The following EPHA3 variants were observed in gnomAD, a reference collection of about 807,000 sequenced individuals.
The protein encoded by EPHA3 is EPH receptor A3.
EPHA3 carries 42 observed loss-of-function variants against 107.1 expected under a neutral mutation model. The observed-to-expected ratio is 0.39, with a 90% CI of 0.31 to 0.51. The LOEUF is 0.51. Among genes scored for constraint, EPHA3 ranks in the 20% least tolerant of loss-of-function variants. EPHA3 has a pLI of 0.78. For synonymous variants in EPHA3, 461 were observed against 424.8 expected (o/e 1.09, Z -1.05); for missense variants, 1,183 against 1,211.2 (o/e 0.98, Z 0.35).
intron 1 of EPHA3, among the ~76,000 whole-genome samples, chr3:89,116,148 A>G (rs1187466100): frequency 6.6e-6 from 1 of 152,184 alleles, no homozygotes; most frequent in East Asian, 1.9e-4. Context: ...TTTTCTTCAC[A>G]CGTTCTTACC....
chr3:89,475,633 T>A (rs982454266), intron 16 of EPHA3, among the ~76,000 whole-genome samples: 1 of 152,142 alleles, frequency 6.6e-6, no homozygotes, highest in African/African-American at 2.4e-5. Context: ...AAGGGAAAGG[T>A]TAGAGTGGCT....
intron 3 of EPHA3, among the ~76,000 whole-genome samples, chr3:89,306,279 A>G (rs1365305904): frequency 2.6e-5 from 4 of 152,166 alleles, no homozygotes; most frequent in East Asian, 1.9e-4. Context: ...TTCTAACTGA[A>G]GTGTCTGGCT....
intron 11 of EPHA3, among the ~76,000 whole-genome samples, chr3:89,425,657 C>A (rs1307671571): frequency 6.6e-6 from 1 of 151,192 alleles, no homozygotes; most frequent in Non-Finnish European, 1.5e-5. Context: ...ATATTTTAAT[C>A]TGAAAAACAA....
chr3:89,165,335 C>A (rs1705038370), intron 2 of EPHA3, among the ~76,000 whole-genome samples: 1 of 152,168 alleles, frequency 6.6e-6, no homozygotes, highest in African/African-American at 2.4e-5. Flanking sequence ...AGTATGTAAT[C>A]CACCCAACAT....
intron 13 of EPHA3, among the ~76,000 whole-genome samples, chr3:89,444,472 C>T (rs1225829848): frequency 6.6e-6 from 1 of 151,678 alleles, no homozygotes; most frequent in African/African-American, 2.4e-5. Context: ...ATTTGCTTGC[C>T]ATAGAATAAG....
At chr3:89,360,269 A>C (rs1219709759) in intron 5 of EPHA3, among the ~76,000 whole-genome samples, 1 of 150,908 alleles carries the variant, frequency 6.6e-6, no homozygotes, top group African/African-American at 2.4e-5. Context: ...CTATAAATAG[A>C]AAACTAATGT....
chr3:89,333,404 A>C (rs1707331549), intron 3 of EPHA3, among the ~76,000 whole-genome samples: 1 of 152,190 alleles, frequency 6.6e-6, no homozygotes, highest in Non-Finnish European at 1.5e-5. Flanking sequence ...AGTATTTCTT[A>C]ATAGAAAATT....
intron 3 of EPHA3, among the ~76,000 whole-genome samples, chr3:89,301,241 G>T (rs1706481117): frequency 6.6e-6 from 1 of 151,948 alleles, no homozygotes. Context: ...AAAATATTTT[G>T]AGTGTAGCAA....
At chr3:89,270,659 G>T (rs1321803024) in intron 3 of EPHA3, among the ~76,000 whole-genome samples, 7 of 151,978 alleles carry the variant, frequency 4.6e-5, no homozygotes, top group Non-Finnish European at 8.8e-5. Context: ...CCCCAGAGTT[G>T]TAACTTTTTG....
At chr3:89,228,110 C>T (rs371321534) in intron 3 of EPHA3, among the ~76,000 whole-genome samples, 5 of 151,606 alleles carry the variant, frequency 3.3e-5, no homozygotes, top group African/African-American at 4.8e-5. Context: ...TAGTTAGAAA[C>T]GACTACTCTG....
intron 5 of EPHA3, among the ~76,000 whole-genome samples, chr3:89,351,505 C>A (rs1318388342): frequency 6.7e-6 from 1 of 150,242 alleles, no homozygotes; most frequent in African/African-American, 2.4e-5. Context: ...CACTGGCCTG[C>A]GCCCACTGTC....
chr3:89,406,862 G>A (rs910263437), intron 7 of EPHA3, among the ~76,000 whole-genome samples: 35 of 152,228 alleles, frequency 2.3e-4, no homozygotes, highest in African/African-American at 8.2e-4. Flanking sequence ...GTTAAAACAA[G>A]CTTAATTAGA....
intron 3 of EPHA3, among the ~76,000 whole-genome samples, chr3:89,211,768 T>C (rs1479395812): frequency 1.4e-5 from 2 of 139,874 alleles, no homozygotes; most frequent in African/African-American, 5.5e-5. Flanking sequence ...CTTCTTCTTC[T>C]TCTTCTTCTT....
At position 89,118,451 on chromosome 3, in the gene EPHA3, G is replaced by T. The variant is rs555859086; in HGVS notation, c.89-8758G>T. On this transcript the variant is annotated intron_variant, in intron 1 of 16. Transcript: ENST00000336596. ...AAAATGAGAGGAAGAAAACTAAAAA[G>T]ATATAAAATTAGTAATATTCCTTTA... 2.0e-5 allele frequency among the ~76,000 whole-genome samples: 3 copies of T among 151,852 alleles called. No individual in the cohort carries two copies. In the South Asian group the frequency reaches 6.2e-4, roughly 32 times the overall value.
At chr3:89,127,298 G>A (rs2106974762) in intron 2 of EPHA3, 25 bp downstream of exon 2, 1 of 1,575,660 alleles carries the variant, frequency 6.3e-7, no homozygotes. Context: ...CTATCACAAG[G>A]AAACATTTTC....
chr3:89,331,067 A>G (rs115339270), intron 3 of EPHA3, among the ~76,000 whole-genome samples: 87 of 152,236 alleles, frequency 5.7e-4, no homozygotes, highest in Non-Finnish European at 9.9e-4. Flanking sequence ...ACAGAGTGAG[A>G]GACAGATATG....
chr3:89,272,626 A>G (rs148707336), intron 3 of EPHA3, among the ~76,000 whole-genome samples: 2 of 152,050 alleles, frequency 1.3e-5, no homozygotes, highest in East Asian at 3.9e-4. Context: ...TCATTTTTCT[A>G]GTTGTATGTG....
At chr3:89,224,699 A>G (rs1030354690) in intron 3 of EPHA3, among the ~76,000 whole-genome samples, 1 of 151,980 alleles carries the variant, frequency 6.6e-6, no homozygotes, top group Non-Finnish European at 1.5e-5. Context: ...AAATACAAAA[A>G]TTAGCTGGGA....
intron 3 of EPHA3, among the ~76,000 whole-genome samples, chr3:89,241,080 T>C (rs1331231050): frequency 6.6e-6 from 1 of 152,054 alleles, no homozygotes; most frequent in Non-Finnish European, 1.5e-5. Context: ...CTAGAGATAG[T>C]GTCACCAGCC....
Sources: allele counts gnomAD v4.1 joint callset (sites outside exome capture counted in the v4.1 genomes callset), GRCh38; gene constraint gnomAD v4.1.1; transcripts MANE v1.5; gene names NCBI Gene and HGNC (gene_info 2026-07-23, HGNC 2026-07-21).